ABTB2: variants seen among roughly 807,000 people sequenced by gnomAD.
The protein encoded by ABTB2 is ankyrin repeat and BTB/POZ domain-containing protein 2.
ABTB2 carries 56 observed loss-of-function variants against 104.1 expected under a neutral mutation model. That is an observed-to-expected ratio of 0.54 (90% CI 0.43 to 0.67). The LOEUF is 0.67. ABTB2 is among the 30% of genes least tolerant of loss of function. The pLI is 0.00. For missense variants in ABTB2, 1,279 were observed against 1,407.7 expected, an observed-to-expected ratio of 0.91 and a Z score of 1.46; for synonymous variants, 606 against 608.2, an observed-to-expected ratio of 1.00 and a Z score of 0.05.
chr11:34,266,545 A>G (rs938887473), intron 1 of ABTB2, among the ~76,000 whole-genome samples: 5 of 152,066 alleles, frequency 3.3e-5, no homozygotes, highest in Admixed American at 2.6e-4. Flanking sequence ...TTTCTGAGCA[A>G]AGGCCTTAAT....
intron 3 of ABTB2, among the ~76,000 whole-genome samples, chr11:34,175,740 C>T (rs1271610677): frequency 2.0e-5 from 3 of 152,172 alleles, no homozygotes; most frequent in African/African-American, 7.2e-5. Context: ...CCAGTAAAGC[C>T]TCACTATCTC....
chr11:34,170,643 G>T (rs1852860036), intron 5 of ABTB2, among the ~76,000 whole-genome samples: 1 of 152,196 alleles, frequency 6.6e-6, no homozygotes, highest in Non-Finnish European at 1.5e-5. Context: ...CTCGTTCCTA[G>T]CCTTGCACCA....
In ABTB2 at chr11:34,154,883, G is replaced by T; in HGVS notation, c.2698-114C>A. 1 of 995,816 alleles carries T rather than the reference G, an allele frequency of 1.0e-6. No homozygotes were observed. The highest frequency in any genetic ancestry group is 1.5e-6 in the Non-Finnish European group (1 of 650,694). The allele number at this position is 995,816 out of a possible 1,614,324, so 61.7% of individuals were successfully genotyped here. A position where few individuals can be genotyped will look rare whatever the true frequency, so the allele number is the denominator to read the frequency against. ...GCCTCCAGGGGCCTGTCCCTCTGCAGGTCCCCAGCTCTGTCTCTCCCTCCC... is the reference window on the plus strand; with the variant it reads ...GCCTCCAGGGGCCTGTCCCTCTGCATGTCCCCAGCTCTGTCTCTCCCTCCC... On this transcript the variant is annotated intron_variant, in intron 14 of 16. Transcript: ENST00000435224. This position sits in a 1 kb window ranked among gnomAD's most constrained non-coding sequence, Gnocchi z 4.9.
At chr11:34,334,162 C>G (rs1380372085) in intron 1 of ABTB2, among the ~76,000 whole-genome samples, 2 of 152,160 alleles carry the variant, frequency 1.3e-5, no homozygotes, top group African/African-American at 4.8e-5. Context: ...TCCTGGCTAA[C>G]ATGAATGCTC....
intron 1 of ABTB2, among the ~76,000 whole-genome samples, chr11:34,245,177 T>C (rs770205534): frequency 1.3e-5 from 2 of 152,170 alleles, no homozygotes; most frequent in Non-Finnish European, 2.9e-5. Flanking sequence ...CTGTCTCACA[T>C]ACATTAAAAC....
chr11:34,182,497 T>TGGGGGGGGGGGGG (rs1157886289), intron 3 of ABTB2, among the ~76,000 whole-genome samples: 2 of 69,900 alleles, frequency 2.9e-5, no homozygotes, highest in Non-Finnish European at 5.8e-5. Flanking sequence ...TTGGGTTCTC[T>TGGGGGGGGGGGGG]GGGGGGGGGG....
chr11:34,317,554 C>T (rs960741055), intron 1 of ABTB2, among the ~76,000 whole-genome samples: 1 of 152,032 alleles, frequency 6.6e-6, no homozygotes, highest in East Asian at 1.9e-4. Context: ...AGGAGGATCG[C>T]TTCAGTATAG....
At position 34,204,617 on chromosome 11, in the gene ABTB2, G is replaced by A; in HGVS notation, c.957C>T (p.Ala319=). The change falls in exon 2 of 17, where the codon GCC becomes GCT. Residue 319 remains alanine (A), a synonymous_variant. Transcript: ENST00000435224. The stretch of plus-strand genomic sequence containing the variant: ...GGGTTCGGAGCTCCAGCTGGGCATA[G>A]GCATCGGCTCGCTCGTCATGGCCCA... The part of the protein sequence containing the change: ...GSLGHDERAD[A]YAQLELRTLE... 1 of 1,613,884 alleles carries A rather than the reference G, an allele frequency of 6.2e-7. No homozygotes were observed. The highest frequency in any genetic ancestry group is 2.2e-5 in the East Asian group (1 of 44,876).
intron 5 of ABTB2, 64 bp downstream of exon 5, chr11:34,170,842 C>T: frequency 6.4e-7 from 1 of 1,573,438 alleles, no homozygotes; most frequent in Non-Finnish European, 8.6e-7. Context: ...GCCGCCAATG[C>T]TGGGAGCTGA....
intron 2 of ABTB2, among the ~76,000 whole-genome samples, chr11:34,201,202 T>C (rs1184011528): frequency 6.6e-6 from 1 of 152,056 alleles, no homozygotes; most frequent in Non-Finnish European, 1.5e-5. Flanking sequence ...CAATTGATCC[T>C]ACACTCAATG....
chr11:34,232,383 G>A (rs947682987), intron 1 of ABTB2, among the ~76,000 whole-genome samples: 1 of 151,440 alleles, frequency 6.6e-6, no homozygotes, highest in Non-Finnish European at 1.5e-5. Context: ...CTGGGAAGCG[G>A]AGGCTGCAGT....
At position 34,172,392 on chromosome 11, in the gene ABTB2, A is replaced by AT. The variant is rs1565131579; in HGVS notation, c.1397+762_1397+763insA. On this transcript the variant is annotated intron_variant, in intron 4 of 16. Coordinates refer to ENST00000435224, the MANE Select transcript of ABTB2 (RefSeq NM_145804.3). ...GTCTCAAAAAAAAAAAAAAAAAAAA[A>AT]AAAATATATATATATATATATATAT... 6.0e-3 allele frequency among the ~76,000 whole-genome samples: 291 copies of AT among 48,138 alleles called. 11 individuals are homozygous for AT. Among genetic ancestry groups the AT allele is most frequent in the African/African-American group, 0.017 (264 of 15,524 alleles). The allele number at this position is 48,138 out of a possible 152,430, so 31.6% of individuals were successfully genotyped here.
intron 1 of ABTB2, among the ~76,000 whole-genome samples, chr11:34,282,578 G>A (rs1772555140): frequency 6.6e-6 from 1 of 151,882 alleles, no homozygotes; most frequent in African/African-American, 2.4e-5. Context: ...CCAGGCTGGA[G>A]TGCAGTGGCG....
intron 1 of ABTB2, among the ~76,000 whole-genome samples, chr11:34,258,763 G>C (rs1854154833): frequency 6.6e-6 from 1 of 151,992 alleles, no homozygotes; most frequent in African/African-American, 2.4e-5. Context: ...ACCATGCCCA[G>C]CTAATTTTTG....
intron 1 of ABTB2, among the ~76,000 whole-genome samples, chr11:34,278,958 A>G (rs1479298855): frequency 2.0e-5 from 3 of 152,204 alleles, no homozygotes; most frequent in South Asian, 4.1e-4. Flanking sequence ...GGAGATTACA[A>G]TTAACCTCTG....
At chr11:34,272,722 A>AC (rs1565156095) in intron 1 of ABTB2, among the ~76,000 whole-genome samples, 8 of 150,310 alleles carry the variant, frequency 5.3e-5, no homozygotes, top group African/African-American at 2.0e-4. Flanking sequence ...AAAAAAAAAA[A>AC]AAAAAAAAAC....
chr11:34,247,099 A>G (rs1853995097), intron 1 of ABTB2, among the ~76,000 whole-genome samples: 1 of 152,112 alleles, frequency 6.6e-6, no homozygotes, highest in Admixed American at 6.5e-5. Flanking sequence ...CGCCCACCTC[A>G]GCCTCCCAAA....
intron 1 of ABTB2, among the ~76,000 whole-genome samples, chr11:34,338,818 C>G (rs986526429): frequency 3.3e-5 from 5 of 152,188 alleles, no homozygotes; most frequent in African/African-American, 1.2e-4. Flanking sequence ...ATTACTATTA[C>G]TTTTATATAG....
chr11:34,348,771 G>A (rs552479470), intron 1 of ABTB2, among the ~76,000 whole-genome samples: 1 of 152,286 alleles, frequency 6.6e-6, no homozygotes, highest in East Asian at 1.9e-4. Context: ...CCGCAATGGG[G>A]AACCAGCAAT....
Sources: allele counts gnomAD v4.1 joint callset (sites outside exome capture counted in the v4.1 genomes callset), GRCh38; gene constraint gnomAD v4.1.1; non-coding constraint Gnocchi (gnomAD v3.1); transcripts MANE v1.5; gene names NCBI Gene and HGNC (gene_info 2026-07-23, HGNC 2026-07-21).